Variants in AK4 observed in about 807,000 individuals in gnomAD.
The protein encoded by AK4 is adenylate kinase 4, mitochondrial.
In AK4, 13 loss-of-function variants were observed where a neutral mutation model predicts 24.6. The observed-to-expected ratio is 0.53, with a 90% CI of 0.34 to 0.84. The LOEUF is 0.84. AK4 is among the 40% of genes least tolerant of loss of function. The pLI is 0.01. For synonymous variants in AK4, 88 were observed against 107.0 expected (o/e 0.82, Z 1.10); for missense variants, 192 against 288.2 (o/e 0.67, Z 2.42).
At chr1:65,208,949 C>A (rs1326576815) in intron 2 of AK4, among the ~76,000 whole-genome samples, 4 of 151,770 alleles carry the variant, frequency 2.6e-5, no homozygotes, top group African/African-American at 9.7e-5. Flanking sequence ...CAATACCAGT[C>A]AGGAATTTAA....
intron 1 of AK4, among the ~76,000 whole-genome samples, chr1:65,170,150 G>T (rs1204771954): frequency 6.6e-6 from 1 of 152,144 alleles, no homozygotes; most frequent in Non-Finnish European, 1.5e-5. Context: ...GCGGAGGCGG[G>T]CGGATCACGA....
chr1:65,165,942 A>G (rs1052405498), intron 1 of AK4: 1 of 152,320 alleles, frequency 6.6e-6, no homozygotes, highest in Non-Finnish European at 1.5e-5. Context: ...CAGTCCAGGC[A>G]TGAAGAGGAT....
At chr1:65,197,728 G>GC (rs1417304907) in intron 2 of AK4, among the ~76,000 whole-genome samples, 3 of 152,326 alleles carry the variant, frequency 2.0e-5, no homozygotes, top group East Asian at 3.9e-4. Context: ...AGATGCTGGA[G>GC]CCAGAGTATT....
At chr1:65,193,411 T>C (rs535470392) in intron 2 of AK4, among the ~76,000 whole-genome samples, 14 of 152,206 alleles carry the variant, frequency 9.2e-5, no homozygotes, top group Non-Finnish European at 1.6e-4. Context: ...AGGTCTGTTG[T>C]CCATTGTCTT....
At chr1:65,197,976 T>A (rs1651534893) in intron 2 of AK4, among the ~76,000 whole-genome samples, 1 of 152,220 alleles carries the variant, frequency 6.6e-6, no homozygotes, top group Non-Finnish European at 1.5e-5. Flanking sequence ...CTTTCAAGAA[T>A]AAAGTGTATA....
chr1:65,222,837 T>C (rs573628638), intron 3 of AK4, among the ~76,000 whole-genome samples: 1 of 152,338 alleles, frequency 6.6e-6, no homozygotes, highest in African/African-American at 2.4e-5. Flanking sequence ...CTCTCAGTTC[T>C]GTTCTGGCCT....
In AK4 at chr1:65,153,058, G is replaced by C. The variant is rs74855147; in HGVS notation, c.145+4506G>C. On this transcript the variant is annotated intron_variant, in intron 1 of 4. Transcript: ENST00000327299. ...CTAGCTGGGTGAGACTCAGGATGTA[G>C]CACAGGTCAAGCAAGGGTCTGACTG... 8.6e-3 allele frequency among the ~76,000 whole-genome samples: 1,303 copies of C among 152,286 alleles called. 22 individuals are homozygous for C. Among genetic ancestry groups the C allele is most frequent in the African/African-American group, 0.03 (1,248 of 41,570 alleles).
chr1:65,213,535 C>A (rs1372480419), intron 2 of AK4, among the ~76,000 whole-genome samples: 2 of 152,184 alleles, frequency 1.3e-5, no homozygotes, highest in Non-Finnish European at 2.9e-5. Context: ...GCCTTTCTTT[C>A]CTGCTGCTGC....
intron 2 of AK4, among the ~76,000 whole-genome samples, chr1:65,214,762 A>T (rs1225151669): frequency 6.6e-6 from 1 of 152,154 alleles, no homozygotes; most frequent in African/African-American, 2.4e-5. Context: ...CTTTCCTTAG[A>T]GGTAAGATAC....
At chr1:65,212,031 C>T (rs1016014820) in intron 2 of AK4, among the ~76,000 whole-genome samples, 37 of 152,150 alleles carry the variant, frequency 2.4e-4, no homozygotes, top group African/African-American at 8.2e-4. Flanking sequence ...TGTGAATGTC[C>T]AGGGTGGGCA....
chr1:65,163,093 A>T (rs1650222497), intron 1 of AK4, among the ~76,000 whole-genome samples: 1 of 152,150 alleles, frequency 6.6e-6, no homozygotes, highest in Non-Finnish European at 1.5e-5. Flanking sequence ...TTTTGTATGG[A>T]TGTAAATGTT....
At chr1:65,198,089 T>C in intron 2 of AK4, among the ~76,000 whole-genome samples, 1 of 152,228 alleles carries the variant, frequency 6.6e-6, no homozygotes, top group Non-Finnish European at 1.5e-5. Context: ...GGCAGTAGTT[T>C]ATCTTAGTCA....
intron 1 of AK4, among the ~76,000 whole-genome samples, chr1:65,169,476 G>T (rs754541977): frequency 6.6e-6 from 1 of 152,144 alleles, no homozygotes; most frequent in Non-Finnish European, 1.5e-5. Context: ...GGGCAGAGTA[G>T]CCAATGTTTT....
chr1:65,169,646 C>G (rs1650445136), intron 1 of AK4, among the ~76,000 whole-genome samples: 1 of 152,106 alleles, frequency 6.6e-6, no homozygotes, highest in Admixed American at 6.6e-5. Flanking sequence ...CAAAAACACT[C>G]AGTAATCAAG....
intron 2 of AK4, among the ~76,000 whole-genome samples, chr1:65,199,598 A>G (rs1651600556): frequency 6.6e-6 from 1 of 152,184 alleles, no homozygotes; most frequent in Non-Finnish European, 1.5e-5. Flanking sequence ...TAACTGTAAC[A>G]GTGTTCCCCT....
chr1:65,194,957 A>C (rs1467314808), intron 2 of AK4, among the ~76,000 whole-genome samples: 2 of 152,220 alleles, frequency 1.3e-5, no homozygotes, highest in African/African-American at 4.8e-5. Context: ...TTGTTATGGA[A>C]ACAGCCCCAC....
intron 3 of AK4, among the ~76,000 whole-genome samples, chr1:65,223,446 C>T (rs2101092879): frequency 6.6e-6 from 1 of 152,096 alleles, no homozygotes; most frequent in South Asian, 2.1e-4. Context: ...GCCTTGGCCT[C>T]CCAAAGTGCT....
rs1358745111 is a variant in AK4 at position 65,226,708 on chromosome 1, C to G, written c.*531C>G. The G allele has an allele frequency of 6.6e-6, 1 of 152,642 alleles. No individual in the cohort carries two copies. Among genetic ancestry groups the G allele is most frequent in the Non-Finnish European group, 1.5e-5 (1 of 68,116 alleles). The allele number at this position is 152,642 out of a possible 1,614,324, so 9.5% of individuals were successfully genotyped here. On this transcript the variant is annotated 3_prime_UTR_variant, in exon 5 of 5. Coordinates refer to ENST00000327299, the MANE Select transcript of AK4 (RefSeq NM_013410.4). ...TTTCTCTGGTCTTGAGTGACTGTGT[C>G]CACAGTTCATTTTTTTCCGGTAGGA...
intron 1 of AK4, among the ~76,000 whole-genome samples, chr1:65,181,482 CGCCTCCCAGGTTCAAGGCCTCA>C (rs1553123703): frequency 6.6e-6 from 1 of 151,730 alleles, no homozygotes; most frequent in Non-Finnish European, 1.5e-5. Context: ...CTGCTACCTC[CGCCTCCCAGGTTCAAGGCCTCA>C]GCCTCCCAAG....
Sources: gnomAD v4.1 joint callset for allele counts (sites outside exome capture counted in the v4.1 genomes callset) on GRCh38, gnomAD v4.1.1 for gene constraint, MANE v1.5 for transcripts, NCBI Gene and HGNC (gene_info 2026-07-23, HGNC 2026-07-21) for gene names.